The following FAF1 variants were observed in gnomAD, a reference collection of about 807,000 sequenced individuals.
FAF1 encodes the protein FAS-associated factor 1.
FAF1 carries 25 observed loss-of-function variants against 92.5 expected under a neutral mutation model. That is an observed-to-expected ratio of 0.27 (90% confidence interval 0.20 to 0.38). The LOEUF is 0.38. Ranked by LOEUF, FAF1 falls within the 10% of genes least tolerant of loss-of-function variation. The pLI is 1.00. For synonymous variants in FAF1, 234 were observed against 273.2 expected, an observed-to-expected ratio of 0.86 and a Z score of 1.42; for missense variants, 636 against 793.3, an observed-to-expected ratio of 0.80 and a Z score of 2.38.
intron 8 of FAF1, among the ~76,000 whole-genome samples, chr1:50,616,534 T>C (rs1424081260): frequency 1.3e-5 from 2 of 152,138 alleles, no homozygotes; most frequent in Non-Finnish European, 2.9e-5. Context: ...GTAGTTCTCA[T>C]TTTAGAGATC....
At chr1:50,921,869 C>A (rs1644965865) in intron 1 of FAF1, among the ~76,000 whole-genome samples, 1 of 152,014 alleles carries the variant, frequency 6.6e-6, no homozygotes, top group Non-Finnish European at 1.5e-5. Context: ...GTAACCACTA[C>A]AGAAAACTAC....
At chr1:50,488,944 T>C (rs751708259) in intron 17 of FAF1, among the ~76,000 whole-genome samples, 5 of 152,252 alleles carry the variant, frequency 3.3e-5, no homozygotes, top group Admixed American at 3.3e-4. Context: ...CTTGTATATA[T>C]GTGATAGATA....
At chr1:50,739,366 A>C (rs1034992715) in intron 5 of FAF1, among the ~76,000 whole-genome samples, 1 of 152,020 alleles carries the variant, frequency 6.6e-6, no homozygotes, top group Admixed American at 6.5e-5. Flanking sequence ...ACATGTGTAC[A>C]CGTACATACA....
intron 4 of FAF1, among the ~76,000 whole-genome samples, chr1:50,765,044 GCT>G (rs1462433560): frequency 6.6e-6 from 1 of 152,152 alleles, no homozygotes; most frequent in Non-Finnish European, 1.5e-5. Flanking sequence ...TGCAAATGCT[GCT>G]CTGAGTACAA....
chr1:50,739,317 C>T (rs1186426307), intron 5 of FAF1, among the ~76,000 whole-genome samples: 1 of 151,842 alleles, frequency 6.6e-6, no homozygotes, highest in Non-Finnish European at 1.5e-5. Flanking sequence ...CATGCATATA[C>T]ATGTGTACAT....
At chr1:50,483,875 G>A (rs970907107) in intron 17 of FAF1, among the ~76,000 whole-genome samples, 1 of 152,124 alleles carries the variant, frequency 6.6e-6, no homozygotes, top group Non-Finnish European at 1.5e-5. Context: ...ACTGAGATAG[G>A]GAAGACTGCA....
chr1:50,829,180 T>C (rs1467283927), intron 2 of FAF1, among the ~76,000 whole-genome samples: 2 of 152,106 alleles, frequency 1.3e-5, no homozygotes, highest in Non-Finnish European at 2.9e-5. Flanking sequence ...GAGTAGGAGA[T>C]AGGTTGTACT....
Position 50,678,608 on chromosome 1 carries a change from C to T in FAF1, c.658-23080G>A, listed in dbSNP as rs180935069. ...CATCCTGGCCAACACGGTGAAACCC[C>T]GTCTCTACTAAAAATACAAAAATTA... On this transcript the variant is annotated intron_variant, in intron 7 of 18. Transcript: ENST00000396153. 3.6e-4 allele frequency among the ~76,000 whole-genome samples: 54 copies of T among 151,602 alleles called. 4 individuals carry two copies. Among genetic ancestry groups the T allele is most frequent in the African/African-American group, 1.3e-3 (52 of 41,322 alleles).
At chr1:50,866,516 A>G (rs1367387494) in intron 1 of FAF1, among the ~76,000 whole-genome samples, 3 of 152,148 alleles carry the variant, frequency 2.0e-5, no homozygotes, top group Admixed American at 2.0e-4. Flanking sequence ...AATCAAATAC[A>G]CAAATCAGTA....
intron 1 of FAF1, among the ~76,000 whole-genome samples, chr1:50,860,068 A>T (rs1644419980): frequency 6.6e-6 from 1 of 151,932 alleles, no homozygotes; most frequent in South Asian, 2.1e-4. Flanking sequence ...GAAGAATGAC[A>T]CTAGACCCCT....
chr1:50,899,430 C>T (rs2124708043), intron 1 of FAF1, among the ~76,000 whole-genome samples: 1 of 152,146 alleles, frequency 6.6e-6, no homozygotes. Context: ...AATACTGTGA[C>T]TTTTATCCTT....
intron 18 of FAF1, among the ~76,000 whole-genome samples, chr1:50,450,119 G>C (rs1646277233): frequency 6.6e-6 from 1 of 151,550 alleles, no homozygotes; most frequent in Admixed American, 6.6e-5. Flanking sequence ...GCTTGAACCT[G>C]GGAGGCAGAG....
intron 15 of FAF1, among the ~76,000 whole-genome samples, chr1:50,496,905 G>C (rs1646906015): frequency 6.7e-6 from 1 of 148,172 alleles, no homozygotes; most frequent in Non-Finnish European, 1.5e-5. Context: ...AAAAAAAAAA[G>C]TTATCTCTGG....
intron 18 of FAF1, among the ~76,000 whole-genome samples, chr1:50,472,425 A>ACC (rs1557959432): frequency 3.8e-5 from 5 of 132,682 alleles, no homozygotes; most frequent in African/African-American, 1.4e-4. Context: ...ACACACACAA[A>ACC]CCCCAAAACC....
At chr1:50,446,992 T>TTTTTTTTTTTTTTTTTTG (rs1318855123) in intron 18 of FAF1, among the ~76,000 whole-genome samples, 1 of 151,686 alleles carries the variant, frequency 6.6e-6, no homozygotes, top group South Asian at 2.1e-4. Context: ...ATAATTTTCA[T>TTTTTTTTTTTTTTTTTTG]AGTAACTCCC....
At chr1:50,494,930 G>A (rs951681551) in intron 15 of FAF1, among the ~76,000 whole-genome samples, 1 of 152,114 alleles carries the variant, frequency 6.6e-6, no homozygotes, top group South Asian at 2.1e-4. Flanking sequence ...ATTATGATGA[G>A]TTGTTAAGAA....
intron 1 of FAF1, among the ~76,000 whole-genome samples, chr1:50,920,776 G>A (rs1462775635): frequency 6.6e-6 from 1 of 152,040 alleles, no homozygotes; most frequent in Non-Finnish European, 1.5e-5. Flanking sequence ...TCAGCAGAAG[G>A]ACATCTATGA....
intron 8 of FAF1, among the ~76,000 whole-genome samples, chr1:50,642,345 TTC>T (rs1654376744): frequency 6.6e-6 from 1 of 151,826 alleles, no homozygotes. Context: ...CAACCTATTG[TTC>T]TCATTTAAAA....
At chr1:50,956,903 A>G (rs1245604975) in intron 1 of FAF1, among the ~76,000 whole-genome samples, 9 of 152,226 alleles carry the variant, frequency 5.9e-5, no homozygotes, top group Non-Finnish European at 1.0e-4. Context: ...AGGCGAGATC[A>G]TGCCATTGCA....
Sources: allele counts gnomAD v4.1 joint callset (sites outside exome capture counted in the v4.1 genomes callset), GRCh38; gene constraint gnomAD v4.1.1; transcripts MANE v1.5; gene names NCBI Gene and HGNC (gene_info 2026-07-23, HGNC 2026-07-21).